Variants in PPP1R9A observed in about 807,000 individuals in gnomAD.
The protein encoded by PPP1R9A is neurabin-1.
A neutral mutation model predicts 141.9 loss-of-function variants in PPP1R9A; 59 were observed. The observed-to-expected ratio is 0.42, with a 90% confidence interval of 0.34 to 0.52. The LOEUF is 0.52. Ranked by LOEUF, PPP1R9A falls within the 20% of genes least tolerant of loss-of-function variation. The probability of loss-of-function intolerance (pLI) is 0.10; values close to 1 mark genes in which losing one functional copy is unlikely to be tolerated. For synonymous variants in PPP1R9A, 500 were observed against 569.7 expected, an observed-to-expected ratio of 0.88 and a Z score of 1.74; for missense variants, 1,444 against 1,611.9, an observed-to-expected ratio of 0.90 and a Z score of 1.78.
At chr7:94,991,970 T>G (rs972874731) in intron 2 of PPP1R9A, among the ~76,000 whole-genome samples, 10 of 152,242 alleles carry the variant, frequency 6.6e-5, no homozygotes, top group African/African-American at 2.2e-4. Context: ...CCACTCTTAT[T>G]CAAAGTTTCT....
chr7:95,066,729 G>A (rs1813000149), intron 2 of PPP1R9A, among the ~76,000 whole-genome samples: 1 of 152,088 alleles, frequency 6.6e-6, no homozygotes, highest in African/African-American at 2.4e-5. Context: ...AATCCAGGAG[G>A]TCCAACATCC....
chr7:95,106,458 A>C (rs1199029005), intron 2 of PPP1R9A, among the ~76,000 whole-genome samples: 1 of 152,112 alleles, frequency 6.6e-6, no homozygotes, highest in Non-Finnish European at 1.5e-5. Flanking sequence ...CAGCTTAACG[A>C]TGTATGTATC....
chr7:94,965,576 A>T (rs1584424278), intron 2 of PPP1R9A, among the ~76,000 whole-genome samples: 2 of 152,168 alleles, frequency 1.3e-5, no homozygotes, highest in East Asian at 1.9e-4. Context: ...TTAAATAGGG[A>T]ATCCATTACC....
chr7:94,912,992 C>A (rs1791641332), intron 2 of PPP1R9A, among the ~76,000 whole-genome samples: 1 of 152,134 alleles, frequency 6.6e-6, no homozygotes, highest in Non-Finnish European at 1.5e-5. Context: ...CCATTCGCAT[C>A]CCCCTTGAAC....
In PPP1R9A at chr7:95,205,122, T is replaced by C. The variant is rs572970310; in HGVS notation, c.1956+1392T>C. ...CATATATGGAGATGTTATTTTTTAA[T>C]ACACTGTGTACAGACAGAAAGATGG... On this transcript the variant is annotated intron_variant, in intron 7 of 19. Transcript: ENST00000433360. Among the ~76,000 whole-genome samples, 6 of 152,292 alleles carry C rather than the reference T, an allele frequency of 3.9e-5. No homozygotes were observed. In the East Asian group the frequency reaches 7.7e-4, roughly 20 times the overall value.
chr7:95,088,568 T>G (rs918430500), intron 2 of PPP1R9A, among the ~76,000 whole-genome samples: 3 of 152,006 alleles, frequency 2.0e-5, no homozygotes, highest in African/African-American at 7.3e-5. Context: ...AGAAGCCTAT[T>G]GAACAATATT....
chr7:95,251,829 C>T lies in PPP1R9A; in HGVS notation c.2464C>T (p.Leu822Phe). ...AATAGAAGATTTGGAAAAAGCTCAT[C>T]TTGTGGAAGTGCAAGGCCTCCAAGT... ...KKIEDLEKAH[L>F]VEVQGLQVRI... Residue 822 changes from leucine (L) to phenylalanine (F), a missense_variant, in exon 11 of 20, where the codon CTT (leucine) becomes TTT (phenylalanine). By Grantham distance (22) the Leu-to-Phe change is conservative. Coordinates refer to ENST00000433360, the MANE Select transcript of PPP1R9A (RefSeq NM_001166160.2). 6.2e-7 allele frequency: 1 copy of T among 1,613,882 alleles called. No individual in the cohort carries two copies. Among genetic ancestry groups the T allele is most frequent in the Non-Finnish European group, 8.5e-7 (1 of 1,179,888 alleles).
chr7:95,098,968 G>A (rs536049305), intron 2 of PPP1R9A, among the ~76,000 whole-genome samples: 6 of 152,044 alleles, frequency 3.9e-5, no homozygotes, highest in East Asian at 3.9e-4. Context: ...TGGTGTGCCC[G>A]GCATCCCCTT....
At chr7:95,100,915 G>C (rs1039102421) in intron 2 of PPP1R9A, among the ~76,000 whole-genome samples, 9 of 145,968 alleles carry the variant, frequency 6.2e-5, no homozygotes, top group Non-Finnish European at 1.1e-4. Flanking sequence ...TGCAGTGGCG[G>C]GATCTCGGCT....
At chr7:95,272,392 A>G (rs1449541862) in intron 14 of PPP1R9A, among the ~76,000 whole-genome samples, 1 of 152,198 alleles carries the variant, frequency 6.6e-6, no homozygotes, top group Non-Finnish European at 1.5e-5. Flanking sequence ...TGTTTGTGCC[A>G]TGTCTATGTC....
chr7:95,007,433 G>A (rs1011492033), intron 2 of PPP1R9A, among the ~76,000 whole-genome samples: 1 of 152,078 alleles, frequency 6.6e-6, no homozygotes, highest in Non-Finnish European at 1.5e-5. Context: ...TCCTCTGGAG[G>A]GCAAAATCTG....
intron 5 of PPP1R9A, among the ~76,000 whole-genome samples, chr7:95,197,120 G>T (rs926152531): frequency 1.3e-5 from 2 of 152,080 alleles, no homozygotes; most frequent in African/African-American, 4.8e-5. Context: ...CAGAAAAATT[G>T]TGGTATATTT....
intron 7 of PPP1R9A, among the ~76,000 whole-genome samples, chr7:95,207,182 A>G (rs926484445): frequency 6.6e-6 from 1 of 152,116 alleles, no homozygotes; most frequent in African/African-American, 2.4e-5. Flanking sequence ...ATAAAGCACC[A>G]TGAGTAAAAA....
At chr7:95,031,638 C>T (rs2151817796) in intron 2 of PPP1R9A, among the ~76,000 whole-genome samples, 1 of 152,086 alleles carries the variant, frequency 6.6e-6, no homozygotes, top group Middle Eastern at 3.4e-3. Context: ...CACCTGTAAT[C>T]CCAGGTACTC....
chr7:95,054,075 A>T (rs1811162680), intron 2 of PPP1R9A, among the ~76,000 whole-genome samples: 1 of 151,592 alleles, frequency 6.6e-6, no homozygotes. Flanking sequence ...ATAATATTAG[A>T]TTAGTCCACT....
At chr7:95,168,831 A>G (rs1349484586) in intron 5 of PPP1R9A, among the ~76,000 whole-genome samples, 3 of 152,008 alleles carry the variant, frequency 2.0e-5, no homozygotes. Flanking sequence ...AAACTGTACT[A>G]AGATATCCGC....
intron 12 of PPP1R9A, among the ~76,000 whole-genome samples, chr7:95,261,723 A>G (rs770621894): frequency 1.4e-4 from 22 of 152,206 alleles, no homozygotes; most frequent in Admixed American, 2.6e-4. Flanking sequence ...TGAAACACCT[A>G]TAAAAATTTA....
At chr7:94,960,639 A>G (rs913844057) in intron 2 of PPP1R9A, among the ~76,000 whole-genome samples, 4 of 151,756 alleles carry the variant, frequency 2.6e-5, no homozygotes, top group African/African-American at 9.7e-5. Flanking sequence ...GGTAAGTAAT[A>G]TTAATCCCTC....
rs369411890 is a variant in PPP1R9A, at chr7:95,170,621, A to G, written c.1754+8650A>G. On this transcript the variant is annotated intron_variant, in intron 5 of 19. Coordinates refer to ENST00000433360, the MANE Select transcript of PPP1R9A (RefSeq NM_001166160.2). ...TTTGAAAGAAAAATTGGAATTTTAT[A>G]CTCAAGGAAATAGCTTTCAAAATTG... Among the ~76,000 whole-genome samples the G allele has an allele frequency of 1.2e-4, 18 of 151,646 alleles. No homozygotes were observed. In the East Asian group the frequency reaches 3.1e-3, roughly 26 times the overall value.
Sources: gnomAD v4.1 joint callset for allele counts (sites outside exome capture counted in the v4.1 genomes callset) on GRCh38, gnomAD v4.1.1 for gene constraint, MANE v1.5 for transcripts, NCBI Gene and HGNC (gene_info 2026-07-23, HGNC 2026-07-21) for gene names.